Variants in TAFA2 observed in about 807,000 individuals in gnomAD.
TAFA2 encodes the protein TAFA chemokine like family member 2.
A neutral mutation model predicts 18.8 loss-of-function variants in TAFA2; 7 were observed. That is an observed-to-expected ratio of 0.37 (90% CI 0.21 to 0.70). The LOEUF (loss-of-function observed/expected upper bound fraction) is 0.70, where lower values mean the gene tolerates loss of function less well. Ranked by LOEUF, TAFA2 falls within the 30% of genes least tolerant of loss-of-function variation. TAFA2 has a pLI of 0.53. For synonymous variants in TAFA2, 60 were observed against 54.2 expected (o/e 1.11, Z -0.47); for missense variants, 122 against 158.1 (o/e 0.77, Z 1.23).
At chr12:61,775,464 TA>T (rs951614559) in intron 2 of TAFA2, among the ~76,000 whole-genome samples, 3 of 151,286 alleles carry the variant, frequency 2.0e-5, no homozygotes, top group Admixed American at 1.3e-4. Context: ...TTATTCAAGC[TA>T]AAAAAAATGA....
chr12:61,734,853 C>T (rs1420796677), intron 4 of TAFA2, among the ~76,000 whole-genome samples: 2 of 151,892 alleles, frequency 1.3e-5, no homozygotes, highest in African/African-American at 4.8e-5. Context: ...ATATTATTTT[C>T]CCCTTCATCA....
At chr12:62,099,040 G>C (rs1185842333) in intron 1 of TAFA2, among the ~76,000 whole-genome samples, 1 of 152,062 alleles carries the variant, frequency 6.6e-6, no homozygotes, top group Non-Finnish European at 1.5e-5. Context: ...ATGGAATTAG[G>C]TAGCTCACAT....
intron 1 of TAFA2, among the ~76,000 whole-genome samples, chr12:62,060,500 T>G (rs968931817): frequency 6.6e-6 from 1 of 152,232 alleles, no homozygotes; most frequent in African/African-American, 2.4e-5. Flanking sequence ...TACATAATAC[T>G]TAATAATAAC....
intron 1 of TAFA2, among the ~76,000 whole-genome samples, chr12:61,912,256 A>G (rs1259600426): frequency 6.6e-6 from 1 of 152,226 alleles, no homozygotes; most frequent in African/African-American, 2.4e-5. Flanking sequence ...AAGTTTACAC[A>G]TAGAAAAATG....
At chr12:62,195,477 T>C (rs1232597593), upstream of TAFA2, among the ~76,000 whole-genome samples, 2 of 152,192 alleles carry the variant, frequency 1.3e-5, no homozygotes, top group Non-Finnish European at 2.9e-5. Context: ...TAGCAAAATA[T>C]ATTTCTTAAA....
intron 1 of TAFA2, among the ~76,000 whole-genome samples, chr12:62,009,419 T>A (rs2136710354): frequency 6.6e-6 from 1 of 152,324 alleles, no homozygotes; most frequent in African/African-American, 2.4e-5. Context: ...GCTGGGAATT[T>A]GAAGATTATA....
chr12:61,869,286 T>C (rs911014973), intron 1 of TAFA2, among the ~76,000 whole-genome samples: 5 of 152,298 alleles, frequency 3.3e-5, no homozygotes, highest in Middle Eastern at 3.4e-3. Context: ...TTCAGATTAT[T>C]TTCATTGTCA....
At chr12:61,860,286 G>A (rs35395140) in intron 2 of TAFA2, among the ~76,000 whole-genome samples, 43,639 of 151,660 alleles carry the variant, frequency 0.29, 6,779 homozygotes, top group South Asian at 0.4. Context: ...AAAATTCAAT[G>A]AAATACATAA....
chr12:61,806,378 C>G (rs1196890212), intron 2 of TAFA2, among the ~76,000 whole-genome samples: 4 of 152,158 alleles, frequency 2.6e-5, no homozygotes, highest in Non-Finnish European at 5.9e-5. Flanking sequence ...TAATATGTGC[C>G]TTTCACCTTC....
intron 1 of TAFA2, chr12:62,234,846 T>C (rs1272695631): frequency 5.8e-6 from 6 of 1,039,078 alleles, no homozygotes; most frequent in Admixed American, 3.5e-5. Flanking sequence ...CCTGAGATCC[T>C]AAAACCAGCA....
intron 1 of TAFA2, among the ~76,000 whole-genome samples, chr12:62,220,753 TA>T (rs60803826): frequency 4.7e-5 from 7 of 150,080 alleles, no homozygotes; most frequent in South Asian, 2.1e-4. Context: ...CTAAAACTGC[TA>T]AAAAAAAATA....
At chr12:62,027,421 C>A (rs547240657) in intron 1 of TAFA2, among the ~76,000 whole-genome samples, 2 of 152,024 alleles carry the variant, frequency 1.3e-5, no homozygotes, top group South Asian at 4.1e-4. Context: ...CAAAAGAAAT[C>A]ATAAAATTTA....
intron 1 of TAFA2, among the ~76,000 whole-genome samples, chr12:62,094,056 C>T (rs34988458): frequency 0.19 from 28,107 of 151,702 alleles, 2,811 homozygotes; most frequent in East Asian, 0.39. Flanking sequence ...ATTCAGAAAA[C>T]TTTGTTTTAA....
intron 1 of TAFA2, among the ~76,000 whole-genome samples, chr12:62,172,171 T>C (rs544959956): frequency 6.6e-6 from 1 of 152,296 alleles, no homozygotes; most frequent in Admixed American, 6.5e-5. Context: ...TTAATATTCT[T>C]CTTTGACAAA....
chr12:62,236,338 C>T (rs766929045), intron 1 of TAFA2, among the ~76,000 whole-genome samples: 4 of 151,030 alleles, frequency 2.6e-5, no homozygotes, highest in Non-Finnish European at 4.4e-5. Context: ...AATCTCGGCT[C>T]ACTGCAAGCT....
At chr12:62,005,100 A>G (rs1880502932) in intron 1 of TAFA2, among the ~76,000 whole-genome samples, 1 of 152,068 alleles carries the variant, frequency 6.6e-6, no homozygotes, top group South Asian at 2.1e-4. Flanking sequence ...TTAAATATAG[A>G]AAGCTAATGT....
chr12:61,801,228 CA>C (rs1274929415), intron 2 of TAFA2, among the ~76,000 whole-genome samples: 1 of 152,058 alleles, frequency 6.6e-6, no homozygotes, highest in African/African-American at 2.4e-5. Flanking sequence ...CAATCCTTAT[CA>C]AAATATTAAT....
chr12:62,199,479 G>C (rs2062662382), intron 1 of TAFA2, among the ~76,000 whole-genome samples: 1 of 152,036 alleles, frequency 6.6e-6, no homozygotes, highest in Admixed American at 6.6e-5. Flanking sequence ...CTGTTCCTGT[G>C]TTAGTTTGCT....
chr12:61,851,774 CAAAAAAAAAAAAAAAAAAAAAAA>C (rs55651727), intron 2 of TAFA2, among the ~76,000 whole-genome samples: 82 of 14,494 alleles, frequency 5.7e-3, no homozygotes, highest in South Asian at 0.015. Flanking sequence ...GACTCCATCT[CAAAAAAAAAAAAAAAAAAAAAAA>C]AAAAAAAAAA....
Sources: allele counts gnomAD v4.1 joint callset (sites outside exome capture counted in the v4.1 genomes callset), GRCh38; gene constraint gnomAD v4.1.1; transcripts MANE v1.5; gene names NCBI Gene and HGNC (gene_info 2026-07-23, HGNC 2026-07-21).